Variants in NHS observed in about 807,000 individuals in gnomAD.
The protein encoded by NHS is actin remodeling regulator NHS.
Under a neutral mutation model 72.5 loss-of-function variants are expected in NHS, and 5 were observed. That is an observed-to-expected ratio of 0.07 (90% CI 0.04 to 0.14). The LOEUF is 0.14. Among genes scored for constraint, NHS ranks in the 10% least tolerant of loss-of-function variants. The pLI, the probability that NHS is intolerant of heterozygous loss-of-function variation, is 1.00. For missense variants in NHS, 1,072 were observed against 1,355.7 expected (o/e 0.79, Z 3.29); for synonymous variants, 464 against 547.7 (o/e 0.85, Z 2.13).
chrX:17,433,647 T>A (rs1200709466), intron 1 of NHS, among the ~76,000 whole-genome samples: 3 of 111,573 alleles, frequency 2.7e-5, no homozygotes, highest in Non-Finnish European at 5.6e-5. Context: ...ATCCCTGCAC[T>A]TGGTTTAGGA....
intron 1 of NHS, among the ~76,000 whole-genome samples, chrX:17,629,776 T>C (rs1217903598): frequency 9.0e-6 from 1 of 111,714 alleles, no homozygotes; most frequent in Non-Finnish European, 1.9e-5. Context: ...ATAAATCACA[T>C]TGGCCTGGGC....
chrX:17,517,188 C>T (rs968716887), intron 1 of NHS, among the ~76,000 whole-genome samples: 4 of 112,249 alleles, frequency 3.6e-5, no homozygotes, highest in African/African-American at 9.7e-5. Flanking sequence ...GAGAAGATCA[C>T]GGATGAAAGG....
rs116243323 is a variant in NHS at position 17,516,220 on chromosome X, T to G, written c.565+139898T>G. Among the ~76,000 whole-genome samples, 848 of 111,572 alleles carry G rather than the reference T, an allele frequency of 7.6e-3. 5 individuals carry two copies. The highest frequency in any genetic ancestry group is 0.027 in the African/African-American group (814 of 30,659). ...ATTTTACACTTACAGCATATCTCAA[T>G]TCAGACTAGCCAAGTTTCAAATACC... On this transcript the variant is annotated intron_variant, in intron 1 of 8. Coordinates refer to ENST00000676302, the MANE Select transcript of NHS (RefSeq NM_001291867.2).
At chrX:17,415,604 C>T (rs1270247118) in intron 1 of NHS, among the ~76,000 whole-genome samples, 2 of 111,906 alleles carry the variant, frequency 1.8e-5, no homozygotes, top group African/African-American at 3.2e-5. Flanking sequence ...GAAATGACCA[C>T]CTACAGAAAC....
chrX:17,526,595 A>T (rs2065174662), intron 1 of NHS, among the ~76,000 whole-genome samples: 1 of 112,051 alleles, frequency 8.9e-6, no homozygotes, highest in Non-Finnish European at 1.9e-5. Flanking sequence ...ACAAGGTCTC[A>T]TTGCAAATGG....
intron 1 of NHS, among the ~76,000 whole-genome samples, chrX:17,613,694 C>T (rs928896611): frequency 9.0e-6 from 1 of 111,670 alleles, no homozygotes; most frequent in African/African-American, 3.3e-5. Flanking sequence ...CTCATAATGA[C>T]CCTTCCCCTC....
intron 3 of NHS, among the ~76,000 whole-genome samples, chrX:17,710,632 G>C (rs916637387): frequency 1.8e-5 from 2 of 111,702 alleles, no homozygotes; most frequent in African/African-American, 6.5e-5. Context: ...GTAGGGGTTG[G>C]GGGAGGTTGT....
intron 1 of NHS, among the ~76,000 whole-genome samples, chrX:17,629,148 A>G (rs183704639): frequency 9.0e-4 from 101 of 111,760 alleles, no homozygotes; most frequent in Non-Finnish European, 8.8e-4. Context: ...AAAACAAACA[A>G]TGAAATCTGG....
chrX:17,589,284 A>G (rs1160375845), intron 1 of NHS, among the ~76,000 whole-genome samples: 1 of 111,369 alleles, frequency 9.0e-6, no homozygotes, highest in African/African-American at 3.3e-5. Context: ...TACTGAACCC[A>G]ATTTGAAGTC....
At chrX:17,723,897 T>A in intron 5 of NHS, among the ~76,000 whole-genome samples, 1 of 111,318 alleles carries the variant, frequency 9.0e-6, no homozygotes. Flanking sequence ...CTAATTCAGG[T>A]TATCATCCTG....
chrX:17,534,229 A>G (rs1303185646), intron 1 of NHS, among the ~76,000 whole-genome samples: 3 of 112,265 alleles, frequency 2.7e-5, no homozygotes, highest in East Asian at 5.6e-4. Flanking sequence ...GATTGAGACT[A>G]TGAGTTGATT....
intron 1 of NHS, among the ~76,000 whole-genome samples, chrX:17,653,556 GA>G (rs1458080944): frequency 1.8e-5 from 2 of 110,420 alleles, no homozygotes; most frequent in African/African-American, 6.6e-5. Context: ...CAATACAAAG[GA>G]GAAAAGACAG....
intron 3 of NHS, among the ~76,000 whole-genome samples, chrX:17,709,882 G>C (rs1422468883): frequency 9.0e-6 from 1 of 111,469 alleles, no homozygotes; most frequent in Non-Finnish European, 1.9e-5. Context: ...CTGGAATCTA[G>C]AAAGGGGTAC....
At chrX:17,691,684 A>G (rs1157191984) in intron 2 of NHS, among the ~76,000 whole-genome samples, 1 of 111,863 alleles carries the variant, frequency 8.9e-6, no homozygotes, top group African/African-American at 3.3e-5. Flanking sequence ...AAGTAACAGG[A>G]CCTAGAAAAG....
chrX:17,488,260 A>G (rs1448651184), intron 1 of NHS, among the ~76,000 whole-genome samples: 1 of 111,818 alleles, frequency 8.9e-6, no homozygotes, highest in Non-Finnish European at 1.9e-5. Context: ...CTGTCATACT[A>G]GAGTCAGGGC....
At chrX:17,549,221 G>GA (rs397698047) in intron 1 of NHS, among the ~76,000 whole-genome samples, 5 of 73,861 alleles carry the variant, frequency 6.8e-5, no homozygotes, top group African/African-American at 1.8e-4. Flanking sequence ...GCCAGGCCAG[G>GA]CCAGGGCCAG....
At chrX:17,695,411 T>C (rs2066222183) in intron 3 of NHS, among the ~76,000 whole-genome samples, 1 of 112,429 alleles carries the variant, frequency 8.9e-6, no homozygotes, top group Non-Finnish European at 1.9e-5. Flanking sequence ...GAGAAGAATA[T>C]TTAATGACAT....
intron 1 of NHS, among the ~76,000 whole-genome samples, chrX:17,490,211 C>G (rs752896864): frequency 8.9e-6 from 1 of 112,226 alleles, no homozygotes; most frequent in South Asian, 3.7e-4. Flanking sequence ...TGCCTATGTC[C>G]TGAATGGTAT....
intron 1 of NHS, among the ~76,000 whole-genome samples, chrX:17,376,591 G>A (rs2064348560): frequency 1.8e-5 from 2 of 112,617 alleles, no homozygotes; most frequent in African/African-American, 6.5e-5. Context: ...AGCGTGGGCT[G>A]AGAAGGAGCA....
Sources: allele counts gnomAD v4.1 joint callset (sites outside exome capture counted in the v4.1 genomes callset), GRCh38; gene constraint gnomAD v4.1.1; transcripts MANE v1.5; gene names NCBI Gene and HGNC (gene_info 2026-07-23, HGNC 2026-07-21).